The following CPA6 variants were observed in gnomAD, a reference collection of about 807,000 sequenced individuals.
The protein encoded by CPA6 is carboxypeptidase A6, also known as carboxypeptidase B.
In CPA6, 58 loss-of-function variants were observed where a neutral mutation model predicts 63.3. That is an observed-to-expected ratio of 0.92 (90% confidence interval 0.74 to 1.14). The LOEUF (loss-of-function observed/expected upper bound fraction) is 1.14. CPA6 is among the 50% of genes most tolerant of loss of function. The pLI is 0.00. For synonymous variants in CPA6, 185 were observed against 179.0 expected, an observed-to-expected ratio of 1.03 and a Z score of -0.27; for missense variants, 565 against 526.6, an observed-to-expected ratio of 1.07 and a Z score of -0.71.
At chr8:67,729,294 C>T (rs1587734056) in intron 1 of CPA6, among the ~76,000 whole-genome samples, 1 of 152,178 alleles carries the variant, frequency 6.6e-6, no homozygotes, top group African/African-American at 2.4e-5. Flanking sequence ...AAAATCTGCA[C>T]ATAAGCTGCT....
chr8:67,531,040 T>C (rs191164831), intron 2 of CPA6, among the ~76,000 whole-genome samples: 2 of 152,282 alleles, frequency 1.3e-5, no homozygotes, highest in Middle Eastern at 3.4e-3. Context: ...AAACCTGAGA[T>C]TTTCAGATAC....
chr8:67,699,431 TCAAAACAAAA>T (rs901811657), intron 1 of CPA6, among the ~76,000 whole-genome samples: 3 of 151,320 alleles, frequency 2.0e-5, no homozygotes, highest in Non-Finnish European at 2.9e-5. Flanking sequence ...AGACTCTGTC[TCAAAACAAAA>T]CAAAACAAAA....
intron 2 of CPA6, among the ~76,000 whole-genome samples, chr8:67,610,511 A>G (rs1814778973): frequency 6.6e-6 from 1 of 152,222 alleles, no homozygotes; most frequent in South Asian, 2.1e-4. Context: ...TAAATATACT[A>G]AGATGAAACA....
At chr8:67,654,676 A>T (rs1035949421) in intron 1 of CPA6, among the ~76,000 whole-genome samples, 1 of 152,098 alleles carries the variant, frequency 6.6e-6, no homozygotes. Context: ...GGCAGAATTT[A>T]GGGCAACCGA....
At chr8:67,483,968 C>CGAA in intron 7 of CPA6, 110 bp from the exon 8 acceptor site, 1 of 884,448 alleles carries the variant, frequency 1.1e-6, no homozygotes, top group Non-Finnish European at 1.8e-6. Context: ...GGAGAGTTCT[C>CGAA]CTGTGAATAG....
chr8:67,655,269 A>T (rs1257269652), intron 1 of CPA6, among the ~76,000 whole-genome samples: 1 of 152,134 alleles, frequency 6.6e-6, no homozygotes, highest in Non-Finnish European at 1.5e-5. Flanking sequence ...CTGGGAAAAA[A>T]GCATATGCAA....
chr8:67,685,366 C>T (rs1256192209), intron 1 of CPA6, among the ~76,000 whole-genome samples: 1 of 152,108 alleles, frequency 6.6e-6, no homozygotes, highest in African/African-American at 2.4e-5. Context: ...GTCTGTAATC[C>T]CAGCACTTTG....
intron 8 of CPA6, among the ~76,000 whole-genome samples, chr8:67,481,815 G>A (rs532735637): frequency 6.6e-6 from 1 of 152,280 alleles, no homozygotes; most frequent in Admixed American, 6.5e-5. Flanking sequence ...GGATGGACCT[G>A]ACCCTGGGAG....
intron 10 of CPA6, among the ~76,000 whole-genome samples, chr8:67,426,653 C>G (rs1173367880): frequency 1.3e-5 from 2 of 152,152 alleles, no homozygotes; most frequent in Non-Finnish European, 2.9e-5. Context: ...ATTAGGAATA[C>G]AATGATAGGT....
intron 2 of CPA6, among the ~76,000 whole-genome samples, chr8:67,521,788 A>G (rs554736988): frequency 6.6e-6 from 1 of 152,244 alleles, no homozygotes; most frequent in Non-Finnish European, 1.5e-5. Flanking sequence ...ACAAAGTCAA[A>G]TGGCTGAATT....
At chr8:67,447,825 C>A (rs1331212915) in intron 8 of CPA6, among the ~76,000 whole-genome samples, 1 of 152,056 alleles carries the variant, frequency 6.6e-6, no homozygotes, top group Non-Finnish European at 1.5e-5. Context: ...TGCTCTGTCA[C>A]CCAGGCTGGA....
At chr8:67,591,560 A>G (rs1303392801) in intron 2 of CPA6, among the ~76,000 whole-genome samples, 2 of 151,914 alleles carry the variant, frequency 1.3e-5, no homozygotes, top group African/African-American at 2.4e-5. Flanking sequence ...CTTTTATTTC[A>G]TTGAGCAGTG....
intron 1 of CPA6, among the ~76,000 whole-genome samples, chr8:67,638,860 T>C (rs1269147796): frequency 6.6e-6 from 1 of 151,480 alleles, no homozygotes; most frequent in Non-Finnish European, 1.5e-5. Context: ...AGTGACTCCA[T>C]GCAAGCCTCT....
intron 2 of CPA6, among the ~76,000 whole-genome samples, chr8:67,578,215 G>A (rs111587439): frequency 2.6e-5 from 4 of 152,126 alleles, no homozygotes; most frequent in Admixed American, 2.0e-4. Flanking sequence ...AGCTGATGGC[G>A]GGTTTAGAAG....
chr8:67,494,859 A>G (rs1811676366), intron 6 of CPA6, among the ~76,000 whole-genome samples: 1 of 152,220 alleles, frequency 6.6e-6, no homozygotes, highest in South Asian at 2.1e-4. Flanking sequence ...AGCAGACAAA[A>G]TCACTGGAAT....
intron 8 of CPA6, among the ~76,000 whole-genome samples, chr8:67,466,282 TTTCTG>T (rs2128957931): frequency 1.3e-5 from 2 of 152,262 alleles, no homozygotes; most frequent in Admixed American, 1.3e-4. Flanking sequence ...ATCTTTTGTA[TTTCTG>T]TGAGATCACT....
intron 1 of CPA6, among the ~76,000 whole-genome samples, chr8:67,632,286 T>C (rs1815358739): frequency 6.6e-6 from 1 of 151,888 alleles, no homozygotes; most frequent in East Asian, 1.9e-4. Flanking sequence ...TCCTCCTACC[T>C]CAGCCTTCCA....
intron 1 of CPA6, among the ~76,000 whole-genome samples, chr8:67,713,097 GTGTA>G (rs1260722824): frequency 3.5e-3 from 208 of 60,204 alleles, no homozygotes; most frequent in East Asian, 0.026. Flanking sequence ...GTGTGTGTGT[GTGTA>G]TATATATATA....
intron 1 of CPA6, among the ~76,000 whole-genome samples, chr8:67,681,785 C>A (rs1220108746): frequency 6.6e-6 from 1 of 152,062 alleles, no homozygotes; most frequent in Non-Finnish European, 1.5e-5. Flanking sequence ...AATAACACAC[C>A]ATCTTCATTA....
Sources: allele counts gnomAD v4.1 joint callset (sites outside exome capture counted in the v4.1 genomes callset), GRCh38; gene constraint gnomAD v4.1.1; transcripts MANE v1.5; gene names NCBI Gene and HGNC (gene_info 2026-07-23, HGNC 2026-07-21).